The following TRABD2B variants were observed in gnomAD, a reference collection of about 807,000 sequenced individuals.
The protein encoded by TRABD2B is TraB domain containing 2B.
Under a neutral mutation model 40.1 loss-of-function variants are expected in TRABD2B, and 14 were observed. The ratio of observed to expected loss-of-function variants is 0.35; its 90% CI spans 0.23 to 0.55. The LOEUF is 0.55. TRABD2B is among the 20% of genes least tolerant of loss of function. The pLI is 0.90. For missense variants in TRABD2B, 541 were observed against 648.6 expected (o/e 0.83, Z 1.80); for synonymous variants, 263 against 277.0 (o/e 0.95, Z 0.50).
At chr1:47,955,221 C>T (rs1645401132) in intron 2 of TRABD2B, among the ~76,000 whole-genome samples, 1 of 152,134 alleles carries the variant, frequency 6.6e-6, no homozygotes, top group East Asian at 1.9e-4. Context: ...TCCACCTAAG[C>T]CTTTTCATTT....
chr1:47,836,483 C>T (rs966930824), intron 2 of TRABD2B, among the ~76,000 whole-genome samples: 15 of 152,200 alleles, frequency 9.9e-5, no homozygotes, highest in Admixed American at 8.5e-4. Flanking sequence ...ACAACAGCCC[C>T]TCATCTAGAG....
Position 47,762,919 on chromosome 1 carries a change from G to A in TRABD2B, c.*2983C>T, listed in dbSNP as rs1161029456. ...AGAGGACCCAGGGCCACAATAACAT[G>A]CTGCCCGACCTTAAGCAGATCACTT... is the stretch of plus-strand genomic sequence containing the variant. On this transcript the variant is annotated 3_prime_UTR_variant, in exon 7 of 7. Transcript: ENST00000606738. 6.6e-6 allele frequency: 1 copy of A among 152,226 alleles called. No homozygotes were observed. The highest frequency in any genetic ancestry group is 1.9e-4 in the East Asian group (1 of 5,194). The allele number at this position is 152,226 out of a possible 1,614,324, so 9.4% of individuals were successfully genotyped here. A position where few individuals can be genotyped will look rare whatever the true frequency, so the allele number is the denominator to read the frequency against.
At chr1:47,981,100 C>T (rs1387201250) in intron 2 of TRABD2B, among the ~76,000 whole-genome samples, 1 of 152,090 alleles carries the variant, frequency 6.6e-6, no homozygotes, top group Non-Finnish European at 1.5e-5. Context: ...CCTCTGCCTC[C>T]AGGGTTCAGT....
At chr1:47,932,818 C>A (rs1051354543) in intron 2 of TRABD2B, among the ~76,000 whole-genome samples, 1 of 152,152 alleles carries the variant, frequency 6.6e-6, no homozygotes, top group African/African-American at 2.4e-5. Flanking sequence ...TTAATGATCC[C>A]TAACTCACAG....
At chr1:47,919,785 T>G (rs1406916305) in intron 2 of TRABD2B, among the ~76,000 whole-genome samples, 1 of 152,186 alleles carries the variant, frequency 6.6e-6, no homozygotes, top group South Asian at 2.1e-4. Flanking sequence ...CAAGGCATGC[T>G]AAGTGCACAG....
chr1:47,941,900 A>T (rs780545915), intron 2 of TRABD2B, among the ~76,000 whole-genome samples: 17 of 152,358 alleles, frequency 1.1e-4, no homozygotes, highest in Non-Finnish European at 1.6e-4. Flanking sequence ...GGATTCAATG[A>T]ATTAACACTT....
At chr1:47,904,471 G>T (rs946123773) in intron 2 of TRABD2B, among the ~76,000 whole-genome samples, 10 of 152,226 alleles carry the variant, frequency 6.6e-5, no homozygotes, top group South Asian at 2.1e-4. Flanking sequence ...ATGTTACCGT[G>T]TTACAGCAGT....
intron 4 of TRABD2B, among the ~76,000 whole-genome samples, chr1:47,792,450 G>A (rs980074339): frequency 6.6e-6 from 1 of 152,198 alleles, no homozygotes; most frequent in Non-Finnish European, 1.5e-5. Flanking sequence ...AGGAGGCTGG[G>A]ACTGGGATAG....
At chr1:47,791,537 G>C (rs1280541955) in intron 4 of TRABD2B, among the ~76,000 whole-genome samples, 1 of 152,156 alleles carries the variant, frequency 6.6e-6, no homozygotes, top group Non-Finnish European at 1.5e-5. Flanking sequence ...GACCTGGCAG[G>C]CAATGGGCTG....
chr1:47,867,073 T>C (rs1644069446), intron 2 of TRABD2B, among the ~76,000 whole-genome samples: 1 of 152,204 alleles, frequency 6.6e-6, no homozygotes, highest in African/African-American at 2.4e-5. Flanking sequence ...GACAACTGCG[T>C]TTACAGTGCT....
chr1:47,861,546 A>G lies in TRABD2B; in HGVS notation c.667-59927T>C, dbSNP rs376460923. Among the ~76,000 whole-genome samples the G allele has an allele frequency of 2.0e-3, 304 of 152,338 alleles. 15 individuals carry two copies. The South Asian group carries it at 0.061, about 31-fold the overall frequency. On this transcript the variant is annotated intron_variant, in intron 2 of 6. Coordinates refer to ENST00000606738, the MANE Select transcript of TRABD2B (RefSeq NM_001194986.2). ...GGGCCAACTCCTTGAAAGACCCACAATCTGCCAAAACTCACACAAGAAGAA... is the reference window on the plus strand; with the variant it reads ...GGGCCAACTCCTTGAAAGACCCACAGTCTGCCAAAACTCACACAAGAAGAA...
chr1:47,787,153 G>T (rs1644607181), intron 4 of TRABD2B, among the ~76,000 whole-genome samples: 1 of 152,182 alleles, frequency 6.6e-6, no homozygotes, highest in Non-Finnish European at 1.5e-5. Flanking sequence ...TTGCCCTGAG[G>T]ACTATGGAGA....
intron 2 of TRABD2B, among the ~76,000 whole-genome samples, chr1:47,823,215 A>G (rs1645133971): frequency 6.6e-6 from 1 of 152,214 alleles, no homozygotes; most frequent in African/African-American, 2.4e-5. Context: ...TGCATGGGGG[A>G]GGCAGACGGC....
intron 2 of TRABD2B, among the ~76,000 whole-genome samples, chr1:47,854,024 A>G (rs183192899): frequency 6.6e-6 from 1 of 152,324 alleles, no homozygotes; most frequent in Non-Finnish European, 1.5e-5. Context: ...CACTAGCCTC[A>G]TTCTGGCCTA....
chr1:47,929,220 T>C (rs1411833450), intron 2 of TRABD2B, among the ~76,000 whole-genome samples: 7 of 152,194 alleles, frequency 4.6e-5, no homozygotes, highest in Admixed American at 4.6e-4. Flanking sequence ...GTCCTGAGTC[T>C]CATGTGCCAA....
At chr1:47,989,976 A>T (rs148587842) in intron 2 of TRABD2B, among the ~76,000 whole-genome samples, 9 of 152,188 alleles carry the variant, frequency 5.9e-5, no homozygotes, top group Non-Finnish European at 1.3e-4. Flanking sequence ...TACGATAATA[A>T]ATCTTGTTGC....
At chr1:47,969,771 A>G (rs538393322) in intron 2 of TRABD2B, among the ~76,000 whole-genome samples, 3 of 152,358 alleles carry the variant, frequency 2.0e-5, no homozygotes, top group African/African-American at 4.8e-5. Context: ...TCCCTTGCAG[A>G]GCCAGCCCTG....
intron 6 of TRABD2B, among the ~76,000 whole-genome samples, chr1:47,772,046 C>T (rs756408578): frequency 2.6e-5 from 4 of 151,934 alleles, no homozygotes; most frequent in Admixed American, 6.5e-5. Context: ...GGGCACCCAC[C>T]GGCACTGCGT....
At chr1:47,979,570 A>G (rs1645810399) in intron 2 of TRABD2B, among the ~76,000 whole-genome samples, 2 of 151,974 alleles carry the variant, frequency 1.3e-5, no homozygotes, top group South Asian at 4.2e-4. Context: ...TGCTCTATTC[A>G]CCGACCAAGG....
Sources: allele counts gnomAD v4.1 joint callset (sites outside exome capture counted in the v4.1 genomes callset), GRCh38; gene constraint gnomAD v4.1.1; transcripts MANE v1.5; gene names NCBI Gene and HGNC (gene_info 2026-07-23, HGNC 2026-07-21).